The following GALNT18 variants were observed in gnomAD, a reference collection of about 807,000 sequenced individuals.
GALNT18 encodes GalNAc-transferase 18.
GALNT18 carries 44 observed loss-of-function variants against 69.5 expected under a neutral mutation model. The ratio of observed to expected loss-of-function variants is 0.63; its 90% CI spans 0.50 to 0.81. The LOEUF (loss-of-function observed/expected upper bound fraction) is 0.81. Ranked by LOEUF, GALNT18 falls within the 40% of genes least tolerant of loss-of-function variation. The probability of loss-of-function intolerance (pLI) is 0.00; values close to 1 mark genes in which losing one functional copy is unlikely to be tolerated. For synonymous variants in GALNT18, 364 were observed against 318.2 expected (o/e 1.14, Z -1.53); for missense variants, 715 against 810.0 (o/e 0.88, Z 1.42).
chr11:11,342,208 T>G (rs1163943794), intron 6 of GALNT18, among the ~76,000 whole-genome samples: 1 of 152,144 alleles, frequency 6.6e-6, no homozygotes, highest in Non-Finnish European at 1.5e-5. Context: ...AAGTACTTGC[T>G]GAATAAATAA....
chr11:11,482,845 C>A (rs1228190294), intron 1 of GALNT18, among the ~76,000 whole-genome samples: 1 of 149,676 alleles, frequency 6.7e-6, no homozygotes, highest in Non-Finnish European at 1.5e-5. Context: ...CTTGTCCTGC[C>A]TGCTACAAAG....
At chr11:11,350,414 C>T (rs535250744) in intron 6 of GALNT18, among the ~76,000 whole-genome samples, 6 of 152,266 alleles carry the variant, frequency 3.9e-5, no homozygotes, top group South Asian at 4.1e-4. Context: ...AGGGCTTATT[C>T]GTGGTTACCT....
chr11:11,599,674 CTCCTT>C (rs1382529737), intron 1 of GALNT18, among the ~76,000 whole-genome samples: 11 of 146,660 alleles, frequency 7.5e-5, no homozygotes, highest in Admixed American at 7.3e-4. Flanking sequence ...TTTTTTGTTC[CTCCTT>C]TCCTTAGTTT....
intron 3 of GALNT18, among the ~76,000 whole-genome samples, chr11:11,409,154 G>A (rs1177746438): frequency 1.3e-5 from 2 of 152,266 alleles, no homozygotes; most frequent in South Asian, 2.1e-4. Flanking sequence ...CTGCTGAGGC[G>A]TGGGAGGCTG....
chr11:11,409,937 T>C (rs933303559), intron 3 of GALNT18, among the ~76,000 whole-genome samples: 5 of 152,172 alleles, frequency 3.3e-5, no homozygotes, highest in Non-Finnish European at 5.9e-5. Flanking sequence ...TTAAACTCCA[T>C]TGGAGCAACT....
At position 11,338,396 on chromosome 11, in the gene GALNT18, G is replaced by A. The variant is rs1850149010; in HGVS notation, c.1278+2423C>T. 6.6e-6 allele frequency among the ~76,000 whole-genome samples: 1 copy of A among 151,958 alleles called. No homozygotes were observed. Among genetic ancestry groups the A allele is most frequent in the Non-Finnish European group, 1.5e-5 (1 of 67,898 alleles). On this transcript the variant is annotated intron_variant, in intron 7 of 10. Transcript: ENST00000227756. This position sits in a 1 kb window ranked among gnomAD's most constrained non-coding sequence, Gnocchi z 5.3. ...GCCAGGAAAACCAGCTGAAGCTTGT[G>A]GCAGAGAAAAAAACAGGGCCTGAAT...
rs1491033927 is a variant in GALNT18, at chr11:11,383,839, CTG to C, written c.596-4577_596-4576del. On this transcript the variant is annotated intron_variant, in intron 3 of 10. Coordinates refer to ENST00000227756, the MANE Select transcript of GALNT18 (RefSeq NM_198516.3). The surrounding 1 kb of genome is among the most constrained non-coding windows in gnomAD (Gnocchi z 5.2). Reference sequence around the variant, plus strand: ...TTCCTCTCTCTCTCTCTCTCTCTCTCTGTCTCTCTCTCCCTCTCTCTCCTGCC... The same window carrying C: ...TTCCTCTCTCTCTCTCTCTCTCTCTCTCTCTCTCTCCCTCTCTCTCCTGCC... Among the ~76,000 whole-genome samples, 1 of 151,666 alleles carries C rather than the reference CTG, an allele frequency of 6.6e-6. No homozygotes were observed. Among genetic ancestry groups the C allele is most frequent in the Admixed American group, 6.6e-5 (1 of 15,224 alleles).
At chr11:11,374,584 G>A (rs541170694) in intron 5 of GALNT18, among the ~76,000 whole-genome samples, 511 of 152,306 alleles carry the variant, frequency 3.4e-3, no homozygotes, top group Non-Finnish European at 5.6e-3. Flanking sequence ...GACAGTTCAA[G>A]CCAGGTAATG....
chr11:11,552,699 G>A (rs1370845977), intron 1 of GALNT18, among the ~76,000 whole-genome samples: 1 of 152,206 alleles, frequency 6.6e-6, no homozygotes, highest in Non-Finnish European at 1.5e-5. Flanking sequence ...CTGTGACCCT[G>A]CTAAGAACAG....
chr11:11,380,178 T>A (rs1366760637), intron 3 of GALNT18, among the ~76,000 whole-genome samples: 2 of 152,216 alleles, frequency 1.3e-5, no homozygotes, highest in Admixed American at 1.3e-4. Flanking sequence ...CTATTAGATG[T>A]TCTTCCTTCT....
chr11:11,306,522 A>G (rs1483003239), intron 9 of GALNT18, among the ~76,000 whole-genome samples: 2 of 152,200 alleles, frequency 1.3e-5, no homozygotes, highest in Non-Finnish European at 2.9e-5. Flanking sequence ...GGGAAAATAT[A>G]ACCTGCTTTC....
In GALNT18 at chr11:11,347,219, T is replaced by C. The variant is rs563239901; in HGVS notation, c.1093-6215A>G. Among the ~76,000 whole-genome samples the C allele has an allele frequency of 1.2e-3, 182 of 152,310 alleles. No individual in the cohort carries two copies. Among genetic ancestry groups the C allele is most frequent in the African/African-American group, 4.1e-3 (170 of 41,556 alleles). The stretch of plus-strand genomic sequence containing the variant: ...CTTTTTGTATTCTGTGATTTTGCAT[T>C]TTCTAGCCAGTGCCTCAAATGATGC... On this transcript the variant is annotated intron_variant, in intron 6 of 10. Coordinates refer to ENST00000227756, the MANE Select transcript of GALNT18 (RefSeq NM_198516.3). The surrounding 1 kb of genome is among the most constrained non-coding windows in gnomAD (Gnocchi z 4.0).
intron 10 of GALNT18, among the ~76,000 whole-genome samples, chr11:11,277,802 T>C (rs573993254): frequency 6.6e-6 from 1 of 152,358 alleles, no homozygotes; most frequent in East Asian, 1.9e-4. Context: ...TCCATGTAAT[T>C]GTGCAGTTTT....
intron 1 of GALNT18, among the ~76,000 whole-genome samples, chr11:11,514,352 T>G (rs762850422): frequency 5.9e-5 from 9 of 152,200 alleles, no homozygotes; most frequent in Non-Finnish European, 1.2e-4. Context: ...GCAGAAATGC[T>G]TTCCTTTACA....
At chr11:11,283,445 C>G (rs994193000) in intron 10 of GALNT18, among the ~76,000 whole-genome samples, 2 of 152,208 alleles carry the variant, frequency 1.3e-5, no homozygotes, top group Admixed American at 6.5e-5. Flanking sequence ...GACTTTTAAT[C>G]TGAATGACAG....
rs1432049736 is a variant in GALNT18, at chr11:11,601,492, G to A, written c.235+19867C>T. Among the ~76,000 whole-genome samples, 2 of 152,284 alleles carry A rather than the reference G, an allele frequency of 1.3e-5. No homozygotes were observed. The highest frequency in any genetic ancestry group is 2.4e-5 in the African/African-American group (1 of 41,544). Reference sequence around the variant, plus strand: ...TGCTTATCTCCCTGTTACATTTCTGGCTGGACTGCCCGATTGGTTTCACCT... The same window carrying A: ...TGCTTATCTCCCTGTTACATTTCTGACTGGACTGCCCGATTGGTTTCACCT... On this transcript the variant is annotated intron_variant, in intron 1 of 10. Transcript: ENST00000227756. This position sits in a 1 kb window ranked among gnomAD's most constrained non-coding sequence, Gnocchi z 4.0.
chr11:11,326,354 T>C (rs1276746576), intron 9 of GALNT18, among the ~76,000 whole-genome samples: 1 of 152,140 alleles, frequency 6.6e-6, no homozygotes, highest in Admixed American at 6.5e-5. Flanking sequence ...TAAAACATCT[T>C]TTTAAATCAT....
intron 10 of GALNT18, among the ~76,000 whole-genome samples, chr11:11,274,944 G>C (rs926655506): frequency 2.6e-5 from 4 of 152,212 alleles, no homozygotes; most frequent in African/African-American, 7.2e-5. Flanking sequence ...ATCCAGTCTA[G>C]TGTTGATGGA....
At chr11:11,423,145 C>A (rs1855049880) in intron 3 of GALNT18, among the ~76,000 whole-genome samples, 1 of 152,184 alleles carries the variant, frequency 6.6e-6, no homozygotes, top group Non-Finnish European at 1.5e-5. Context: ...AAACACAGTG[C>A]TCACATGGAT....
Sources: allele counts gnomAD v4.1 joint callset (sites outside exome capture counted in the v4.1 genomes callset), GRCh38; gene constraint gnomAD v4.1.1; non-coding constraint Gnocchi (gnomAD v3.1); transcripts MANE v1.5; gene names NCBI Gene and HGNC (gene_info 2026-07-23, HGNC 2026-07-21).